Variants in USP48 observed in about 807,000 individuals in gnomAD.
USP48 encodes ubiquitin specific peptidase 48.
In USP48, 43 loss-of-function variants were observed where a neutral mutation model predicts 150.7. The ratio of observed to expected loss-of-function variants is 0.29; its 90% CI spans 0.22 to 0.37. The LOEUF (loss-of-function observed/expected upper bound fraction) is 0.37, where lower values mean the gene tolerates loss of function less well. Among genes scored for constraint, USP48 ranks in the 10% least tolerant of loss-of-function variants. The pLI, the probability that USP48 is intolerant of heterozygous loss-of-function variation, is 1.00. For synonymous variants in USP48, 396 were observed against 425.9 expected, an observed-to-expected ratio of 0.93 and a Z score of 0.86; for missense variants, 813 against 1,249.6, an observed-to-expected ratio of 0.65 and a Z score of 5.27.
At chr1:21,716,796 AG>A (rs774665039) in intron 14 of USP48, among the ~76,000 whole-genome samples, 3 of 152,164 alleles carry the variant, frequency 2.0e-5, no homozygotes, top group Admixed American at 6.5e-5. Flanking sequence ...TGGGAGGCTG[AG>A]GCGGGTGGAT....
chr1:21,760,135 GACCAA>G (rs935663191), intron 1 of USP48, among the ~76,000 whole-genome samples: 8 of 152,222 alleles, frequency 5.3e-5, no homozygotes, highest in African/African-American at 1.9e-4. Flanking sequence ...GGAAACATCA[GACCAA>G]ACCAACTCAA....
chr1:21,732,389 T>A (rs905757614), intron 9 of USP48, among the ~76,000 whole-genome samples: 7 of 152,206 alleles, frequency 4.6e-5, no homozygotes, highest in Admixed American at 1.3e-4. Flanking sequence ...GGTCCCACGA[T>A]GGTTTCTACC....
chr1:21,758,080 T>A (rs541603833), intron 1 of USP48, among the ~76,000 whole-genome samples: 1 of 152,058 alleles, frequency 6.6e-6, no homozygotes, highest in Non-Finnish European at 1.5e-5. Context: ...CATAAGGTTA[T>A]TCATTACAGC....
At chr1:21,769,517 A>C (rs918223441) in intron 1 of USP48, among the ~76,000 whole-genome samples, 4 of 151,950 alleles carry the variant, frequency 2.6e-5, no homozygotes, top group Admixed American at 2.6e-4. Context: ...GGTTCAAGCA[A>C]TTCTCCCACC....
chr1:21,683,061 G>T lies in USP48; in HGVS notation c.3059-2227C>A, dbSNP rs570218208. 2.6e-5 allele frequency among the ~76,000 whole-genome samples: 4 copies of T among 152,168 alleles called. No individual in the cohort carries two copies. In the South Asian group the frequency reaches 8.3e-4, roughly 32 times the overall value. On this transcript the variant is annotated intron_variant, in intron 25 of 26. Coordinates refer to ENST00000308271, the MANE Select transcript of USP48 (RefSeq NM_032236.8). ...AGATCACCTGACGACAGGAATTTGA[G>T]ACCAGCCTGGCGAATATAGTGAAAC...
At position 21,703,494 on chromosome 1, in the gene USP48, C is replaced by T; in HGVS notation, c.2622+18G>A. Reference sequence around the variant, plus strand: ...ACGCTTGATCATTACTAGTCATTGCCACAAGAGGGACCAGTACCTTTTTAT... The same window carrying T: ...ACGCTTGATCATTACTAGTCATTGCTACAAGAGGGACCAGTACCTTTTTAT... On this transcript the variant is annotated intron_variant, in intron 21 of 26. Transcript: ENST00000308271. 6.3e-7 allele frequency: 1 copy of T among 1,592,966 alleles called. No individual in the cohort carries two copies. The highest frequency in any genetic ancestry group is 8.6e-7 in the Non-Finnish European group (1 of 1,163,658).
intron 15 of USP48, among the ~76,000 whole-genome samples, chr1:21,714,596 T>C (rs2097699297): frequency 1.3e-5 from 2 of 152,162 alleles, no homozygotes; most frequent in East Asian, 1.9e-4. Context: ...GGGGAACTTA[T>C]GAAGTAGAAA....
At position 21,706,524 on chromosome 1, in the gene USP48, A is replaced by G; in HGVS notation, c.2154T>C (p.Thr718=). 6.2e-7 allele frequency: 1 copy of G among 1,614,182 alleles called. No individual in the cohort carries two copies. The highest frequency in any genetic ancestry group is 8.5e-7 in the Non-Finnish European group (1 of 1,180,034). Residue 718 remains threonine, a synonymous_variant, in exon 17 of 27, where the codon ACT becomes ACC. Transcript: ENST00000308271. ...TATCCTGGAACAAATTTGGGAGAGA[A>G]GTCTTTTGCTCGTTTGCAATCATCT... The part of the protein sequence containing the change: ...LHKMIANEQK[T]SLPNLFQDKN...
chr1:21,701,649 G>A, intron 21 of USP48, 47 bp from the exon 22 acceptor site: 1 of 1,548,672 alleles, frequency 6.5e-7, no homozygotes, highest in Non-Finnish European at 8.9e-7. Flanking sequence ...ACCCTAGGAA[G>A]GCAGGCTATG....
intron 15 of USP48, among the ~76,000 whole-genome samples, chr1:21,714,880 G>A (rs990119106): frequency 3.3e-5 from 5 of 152,068 alleles, no homozygotes; most frequent in African/African-American, 1.2e-4. Context: ...CCAGTGGCTC[G>A]TGCCTATAAT....
chr1:21,725,907 G>T (rs577804356), intron 11 of USP48, among the ~76,000 whole-genome samples: 1 of 152,268 alleles, frequency 6.6e-6, no homozygotes, highest in African/African-American at 2.4e-5. Context: ...AGTACACTGG[G>T]TATCTGGGGA....
chr1:21,781,454 T>C (rs2097914297), intron 1 of USP48, among the ~76,000 whole-genome samples: 1 of 150,572 alleles, frequency 6.6e-6, no homozygotes, highest in South Asian at 2.1e-4. Flanking sequence ...AATAAATAAA[T>C]ATCAGAAATT....
intron 15 of USP48, among the ~76,000 whole-genome samples, chr1:21,707,274 G>A (rs557273219): frequency 2.0e-5 from 3 of 152,138 alleles, no homozygotes; most frequent in Non-Finnish European, 2.9e-5. Flanking sequence ...ACACTCAAAG[G>A]TTATCATTTC....
At chr1:21,720,036 T>C (rs1270674413) in intron 14 of USP48, among the ~76,000 whole-genome samples, 2 of 152,224 alleles carry the variant, frequency 1.3e-5, no homozygotes, top group African/African-American at 2.4e-5. Context: ...GAACCACTGA[T>C]TATAGAATTA....
intron 9 of USP48, among the ~76,000 whole-genome samples, chr1:21,733,935 T>C (rs964011968): frequency 6.6e-6 from 1 of 152,098 alleles, no homozygotes; most frequent in Non-Finnish European, 1.5e-5. Flanking sequence ...GGATTATAGA[T>C]GTAAGCCACC....
At chr1:21,738,393 T>A (rs187210541) in intron 8 of USP48, among the ~76,000 whole-genome samples, 1,500 of 147,304 alleles carry the variant, frequency 0.01, 11 homozygotes, top group Non-Finnish European at 0.016. Context: ...TTCACTCTTG[T>A]TGCCCAGGCC....
chr1:21,687,705 A>C (rs1329115829), intron 24 of USP48, among the ~76,000 whole-genome samples: 2 of 152,228 alleles, frequency 1.3e-5, no homozygotes, highest in Non-Finnish European at 2.9e-5. Context: ...TTTTAGGAGG[A>C]AGCTTATGAT....
At chr1:21,731,993 T>C (rs867936579) in intron 9 of USP48, among the ~76,000 whole-genome samples, 1 of 152,082 alleles carries the variant, frequency 6.6e-6, no homozygotes, top group Non-Finnish European at 1.5e-5. Flanking sequence ...ATGAAAACGA[T>C]TTTCAAATTG....
chr1:21,695,652 T>C (rs562299172), intron 22 of USP48, among the ~76,000 whole-genome samples: 14 of 152,264 alleles, frequency 9.2e-5, no homozygotes, highest in African/African-American at 3.4e-4. Context: ...CAGGCTGCAG[T>C]GAGCTACAAT....
Sources: allele counts gnomAD v4.1 joint callset (sites outside exome capture counted in the v4.1 genomes callset), GRCh38; gene constraint gnomAD v4.1.1; transcripts MANE v1.5; gene names NCBI Gene and HGNC (gene_info 2026-07-23, HGNC 2026-07-21).